Variants in LRP1B observed in about 807,000 individuals in gnomAD.
LRP1B encodes LDL receptor related protein 1B, also known as low-density lipoprotein receptor-related protein 1B.
Under a neutral mutation model 556.6 loss-of-function variants are expected in LRP1B, and 217 were observed. The ratio of observed to expected loss-of-function variants is 0.39; its 90% confidence interval spans 0.35 to 0.44. The LOEUF is 0.44. Ranked by LOEUF, LRP1B falls within the 20% of genes least tolerant of loss-of-function variation. LRP1B has a pLI of 1.00. For synonymous variants in LRP1B, 2,047 were observed against 1,865.8 expected (o/e 1.10, Z -2.50); for missense variants, 5,053 against 5,620.8 (o/e 0.90, Z 3.23).
chr2:141,833,195 A>G, intron 1 of LRP1B, among the ~76,000 whole-genome samples: 1 of 151,924 alleles, frequency 6.6e-6, no homozygotes, highest in Non-Finnish European at 1.5e-5. Context: ...TTTAATAAAT[A>G]GCTAATTTCT....
intron 1 of LRP1B, among the ~76,000 whole-genome samples, chr2:141,835,952 ACT>A (rs1697261807): frequency 6.6e-6 from 1 of 151,984 alleles, no homozygotes; most frequent in African/African-American, 2.4e-5. Context: ...TAAGGAAAAA[ACT>A]ATAAACATTT....
At chr2:140,765,356 C>T (rs62173562) in intron 35 of LRP1B, among the ~76,000 whole-genome samples, 1 of 152,138 alleles carries the variant, frequency 6.6e-6, no homozygotes, top group Non-Finnish European at 1.5e-5. Context: ...AAGGAGAAGT[C>T]ATAAGTACCC....
intron 1 of LRP1B, among the ~76,000 whole-genome samples, chr2:142,002,207 C>G (rs1165907995): frequency 6.6e-6 from 1 of 152,020 alleles, no homozygotes. Context: ...ATTAAGTAAC[C>G]AGTATTGATC....
intron 2 of LRP1B, among the ~76,000 whole-genome samples, chr2:141,777,425 T>A (rs907099058): frequency 2.0e-5 from 3 of 151,338 alleles, no homozygotes; most frequent in African/African-American, 7.3e-5. Flanking sequence ...TATTTCTTTA[T>A]TTTTTTTTGA....
intron 53 of LRP1B, among the ~76,000 whole-genome samples, chr2:140,504,193 G>T (rs1369463794): frequency 6.6e-6 from 1 of 152,078 alleles, no homozygotes; most frequent in Non-Finnish European, 1.5e-5. Context: ...TCTATCTTCT[G>T]AAACTCCTCT....
chr2:140,802,099 C>A (rs1359164339), intron 32 of LRP1B, among the ~76,000 whole-genome samples: 1 of 152,050 alleles, frequency 6.6e-6, no homozygotes, highest in Non-Finnish European at 1.5e-5. Flanking sequence ...AAAATAATCA[C>A]GAGAGGAGCT....
intron 7 of LRP1B, among the ~76,000 whole-genome samples, chr2:141,086,275 T>C (rs1700044830): frequency 1.3e-5 from 2 of 152,224 alleles, no homozygotes; most frequent in African/African-American, 4.8e-5. Context: ...ATATTGACAA[T>C]TGGAAGTAAT....
At chr2:142,096,921 G>A (rs1706393085) in intron 1 of LRP1B, among the ~76,000 whole-genome samples, 1 of 151,480 alleles carries the variant, frequency 6.6e-6, no homozygotes, top group Middle Eastern at 3.4e-3. Flanking sequence ...ACATCTTCAT[G>A]ACCATGAGTA....
chr2:140,669,777 T>C (rs1685414452), intron 41 of LRP1B, among the ~76,000 whole-genome samples: 1 of 152,106 alleles, frequency 6.6e-6, no homozygotes, highest in African/African-American at 2.4e-5. Context: ...TAAGGAATTT[T>C]TGTCCTAAAA....
chr2:141,519,312 T>C (rs972838923), intron 2 of LRP1B, among the ~76,000 whole-genome samples: 2 of 142,918 alleles, frequency 1.4e-5, no homozygotes, highest in Non-Finnish European at 3.0e-5. Flanking sequence ...ATGGCCATGA[T>C]AGAAAAAAGT....
intron 1 of LRP1B, among the ~76,000 whole-genome samples, chr2:141,880,288 C>A (rs1288934141): frequency 6.6e-6 from 1 of 151,334 alleles, no homozygotes; most frequent in Non-Finnish European, 1.5e-5. Context: ...AGAAAATGCA[C>A]CTAATATTTG....
At chr2:141,723,739 G>A (rs1692927508) in intron 2 of LRP1B, among the ~76,000 whole-genome samples, 1 of 151,800 alleles carries the variant, frequency 6.6e-6, no homozygotes, top group Admixed American at 6.6e-5. Flanking sequence ...TTCTTCTGTA[G>A]ATAAAACTGC....
intron 51 of LRP1B, among the ~76,000 whole-genome samples, chr2:140,511,262 T>TG (rs1051000795): frequency 6.9e-6 from 1 of 144,408 alleles, no homozygotes; most frequent in African/African-American, 2.6e-5. Context: ...TGGTAAGCAG[T>TG]GGGGTATCAA....
chr2:140,735,908 A>T (rs1346145751), intron 35 of LRP1B, among the ~76,000 whole-genome samples: 1 of 152,162 alleles, frequency 6.6e-6, no homozygotes, highest in African/African-American at 2.4e-5. Flanking sequence ...AAAACCCTGC[A>T]ATTGAATTTT....
chr2:141,468,234 C>A (rs1422475659), intron 3 of LRP1B, among the ~76,000 whole-genome samples: 1 of 152,110 alleles, frequency 6.6e-6, no homozygotes, highest in Non-Finnish European at 1.5e-5. Context: ...CCCTGACTTA[C>A]TGAAATGGAA....
At chr2:141,328,650 T>G (rs1687518990) in intron 3 of LRP1B, among the ~76,000 whole-genome samples, 1 of 152,236 alleles carries the variant, frequency 6.6e-6, no homozygotes, top group Non-Finnish European at 1.5e-5. Flanking sequence ...TACGTGGTAT[T>G]CATATCTCAC....
intron 3 of LRP1B, among the ~76,000 whole-genome samples, chr2:141,258,841 G>A (rs1056487995): frequency 2.6e-5 from 4 of 152,094 alleles, no homozygotes; most frequent in East Asian, 1.9e-4. Flanking sequence ...CTTCCACCAC[G>A]ATTGTAAGTT....
At chr2:142,029,309 T>A (rs1424513600) in intron 1 of LRP1B, among the ~76,000 whole-genome samples, 1 of 151,840 alleles carries the variant, frequency 6.6e-6, no homozygotes, top group Non-Finnish European at 1.5e-5. Flanking sequence ...ATTTAAAAAA[T>A]AATGACAATA....
At chr2:141,361,109 T>A (rs1258817867) in intron 3 of LRP1B, among the ~76,000 whole-genome samples, 1 of 152,112 alleles carries the variant, frequency 6.6e-6, no homozygotes, top group Non-Finnish European at 1.5e-5. Flanking sequence ...TCATTTTTAT[T>A]TTGAATTTTA....
Sources: allele counts gnomAD v4.1 joint callset (sites outside exome capture counted in the v4.1 genomes callset), GRCh38; gene constraint gnomAD v4.1.1; transcripts MANE v1.5; gene names NCBI Gene and HGNC (gene_info 2026-07-23, HGNC 2026-07-21).